PARD6G: variants seen among roughly 807,000 people sequenced by gnomAD.
PARD6G encodes partitioning defective 6 homolog gamma.
In PARD6G, 7 loss-of-function variants were observed where a neutral mutation model predicts 10.7. The observed-to-expected ratio is 0.66, with a 90% confidence interval of 0.37 to 1.23. PARD6G has a LOEUF of 1.23. Among genes scored for constraint, PARD6G ranks in the 50% most tolerant of loss-of-function variants. The probability of loss-of-function intolerance (pLI) is 0.02; values close to 1 mark genes in which losing one functional copy is unlikely to be tolerated. For missense variants in PARD6G, 548 were observed against 571.8 expected (o/e 0.96, Z 0.42); for synonymous variants, 287 against 269.4 (o/e 1.07, Z -0.64).
intron 2 of PARD6G, among the ~76,000 whole-genome samples, chr18:80,195,502 A>G (rs959880586): frequency 7.1e-6 from 1 of 141,144 alleles, no homozygotes; most frequent in Non-Finnish European, 1.5e-5. Context: ...GGGAAAATTC[A>G]AAGATCAGGA....
intron 2 of PARD6G, among the ~76,000 whole-genome samples, chr18:80,193,611 T>C (rs1768257815): frequency 6.6e-6 from 1 of 152,218 alleles, no homozygotes; most frequent in African/African-American, 2.4e-5. Flanking sequence ...CCCTAAACTA[T>C]ATACCTAAAG....
chr18:80,238,749 G>A (rs1200415322), intron 1 of PARD6G, among the ~76,000 whole-genome samples: 2 of 151,330 alleles, frequency 1.3e-5, no homozygotes, highest in African/African-American at 4.9e-5. Flanking sequence ...GGGGGTCTGG[G>A]ACAGCTTCCT....
In PARD6G at chr18:80,159,713, G is replaced by A; in HGVS notation, c.*58C>T. 3 of 1,342,086 alleles carry A rather than the reference G, an allele frequency of 2.2e-6. No individual in the cohort carries two copies. Among genetic ancestry groups the A allele is most frequent in the Non-Finnish European group, 9.6e-7 (1 of 1,043,578 alleles). The allele number at this position is 1,342,086 out of a possible 1,614,324, so 83.1% of individuals were successfully genotyped here. ...AAAAATGAGCGGATGCAGTCTGCAG[G>A]TCCTGTCCCTGTCCTTACCGGGGAA... On this transcript the variant is annotated 3_prime_UTR_variant, in exon 3 of 3. Transcript: ENST00000353265.
intron 1 of PARD6G, among the ~76,000 whole-genome samples, chr18:80,237,232 C>G (rs893946683): frequency 2.0e-5 from 3 of 151,968 alleles, no homozygotes; most frequent in Non-Finnish European, 2.9e-5. Context: ...ACAAACCTGA[C>G]AAAAACAAGA....
chr18:80,247,194 C>T lies in PARD6G; in HGVS notation c.72+83G>A. The T allele has an allele frequency of 8.6e-7, 1 of 1,160,150 alleles. No homozygotes were observed. Among genetic ancestry groups the T allele is most frequent in the Non-Finnish European group, 1.2e-6 (1 of 838,712 alleles). 71.9% of individuals were successfully genotyped at this position (1,160,150 alleles called of 1,614,324 possible). ...TCGCCGGCGCCTGTCGCCTCCACGC[C>T]GCCCCAGTCCCCCTCCGCGGGGCGC... is the stretch of plus-strand genomic sequence containing the variant. On this transcript the variant is annotated intron_variant, in intron 1 of 2. Coordinates refer to ENST00000353265, the MANE Select transcript of PARD6G (RefSeq NM_032510.4). The surrounding 1 kb of genome is among the most constrained non-coding windows in gnomAD (Gnocchi z 4.2).
Position 80,231,369 on chromosome 18 carries a change from G to A in PARD6G, c.72+15908C>T, listed in dbSNP as rs1223891925. On this transcript the variant is annotated intron_variant, in intron 1 of 2. Transcript: ENST00000353265. This position sits in a 1 kb window ranked among gnomAD's most constrained non-coding sequence, Gnocchi z 4.2. ...CGAACTCCAGCCCGTGGAAGAAAGT[G>A]GGGTCCCATTCCGATGTGAGCTCAT... 6.6e-6 allele frequency among the ~76,000 whole-genome samples: 1 copy of A among 152,216 alleles called. No individual in the cohort carries two copies. Among genetic ancestry groups the A allele is most frequent in the Non-Finnish European group, 1.5e-5 (1 of 68,034 alleles).
intron 2 of PARD6G, among the ~76,000 whole-genome samples, chr18:80,177,272 G>GCACACACA (rs1284681564): frequency 8.8e-6 from 1 of 113,756 alleles, no homozygotes; most frequent in Non-Finnish European, 1.7e-5. Context: ...CAAATGGGAA[G>GCACACACA]CACACACACG....
chr18:80,198,933 G>C (rs1188469859), intron 2 of PARD6G, among the ~76,000 whole-genome samples: 1 of 152,132 alleles, frequency 6.6e-6, no homozygotes, highest in Non-Finnish European at 1.5e-5. Flanking sequence ...TTAAAGTGTA[G>C]AATTCAATGG....
chr18:80,211,852 C>T (rs1161885833), intron 1 of PARD6G, among the ~76,000 whole-genome samples: 2 of 152,054 alleles, frequency 1.3e-5, no homozygotes, highest in East Asian at 1.9e-4. Context: ...ATAGAGTACT[C>T]GAAATTTTAT....
intron 2 of PARD6G, among the ~76,000 whole-genome samples, chr18:80,198,126 G>A (rs145113588): frequency 3.8e-4 from 58 of 152,300 alleles, no homozygotes; most frequent in Middle Eastern, 3.4e-3. Context: ...TAGTCGTTGA[G>A]AGAACGTCCG....
chr18:80,206,211 G>A (rs1450740838), intron 1 of PARD6G, among the ~76,000 whole-genome samples: 1 of 152,164 alleles, frequency 6.6e-6, no homozygotes, highest in African/African-American at 2.4e-5. Context: ...GGCTGACTTT[G>A]CCAACCCAGC....
In PARD6G at chr18:80,246,524, T is replaced by C. The variant is rs1431388915; in HGVS notation, c.72+753A>G. 7.3e-6 allele frequency among the ~76,000 whole-genome samples: 1 copy of C among 136,134 alleles called. No individual in the cohort carries two copies. The highest frequency in any genetic ancestry group is 2.4e-4 in the East Asian group (1 of 4,254). 89.3% of individuals were successfully genotyped at this position (136,134 alleles called of 152,430 possible). ...GTACGGGTCTGATCCGGGGGCGCGC[T>C]CGGGAGGGGTCTGGGTCTGAGCCGG... On this transcript the variant is annotated intron_variant, in intron 1 of 2. Transcript: ENST00000353265. This position sits in a 1 kb window ranked among gnomAD's most constrained non-coding sequence, Gnocchi z 6.7.
Position 80,157,677 on chromosome 18 carries a change from A to C in PARD6G, c.*2094T>G, listed in dbSNP as rs1257981804. ...CAGAGAGCAAGTCCGGGGGGTGCGG[A>C]TCCTCACCGGAGAGGTCATGGGGAA... On this transcript the variant is annotated 3_prime_UTR_variant, in exon 3 of 3. Coordinates refer to ENST00000353265, the MANE Select transcript of PARD6G (RefSeq NM_032510.4). 6.6e-6 allele frequency: 1 copy of C among 152,194 alleles called. No individual in the cohort carries two copies. Among genetic ancestry groups the C allele is most frequent in the Non-Finnish European group, 1.5e-5 (1 of 68,044 alleles). 9.4% of individuals were successfully genotyped at this position (152,194 alleles called of 1,614,324 possible). A position where few individuals can be genotyped will look rare whatever the true frequency, so the allele number is the denominator to read the frequency against.
At chr18:80,223,974 G>GACCC (rs1161085184) in intron 1 of PARD6G, among the ~76,000 whole-genome samples, 1 of 152,136 alleles carries the variant, frequency 6.6e-6, no homozygotes, top group African/African-American at 2.4e-5. Flanking sequence ...AGTTAAAATG[G>GACCC]ACCCAACAGT....
At chr18:80,176,713 T>C (rs1185530720) in intron 2 of PARD6G, among the ~76,000 whole-genome samples, 5 of 152,196 alleles carry the variant, frequency 3.3e-5, no homozygotes, top group African/African-American at 7.2e-5. Flanking sequence ...CATTGCCTGC[T>C]GTGGAGAAGG....
intron 2 of PARD6G, among the ~76,000 whole-genome samples, chr18:80,190,772 G>C (rs1284614147): frequency 6.6e-6 from 1 of 152,176 alleles, no homozygotes; most frequent in Non-Finnish European, 1.5e-5. Flanking sequence ...CAACGCCTCT[G>C]ACTCCTCTGT....
intron 2 of PARD6G, chr18:80,162,648 G>A (rs2052708293): frequency 5.9e-6 from 1 of 169,240 alleles, no homozygotes; most frequent in African/African-American, 2.4e-5. Flanking sequence ...TGAAGCGAGT[G>A]GGAGAGATAC....
rs900767976 is a variant in PARD6G at position 80,200,648 on chromosome 18, AC to A, written c.295+2061del. ...CGCTATAACCACGAGAGACTGAGAA[AC>A]CCTGAGCCAGCTAGTTAAACTGGGC... On this transcript the variant is annotated intron_variant, in intron 2 of 2. Transcript: ENST00000353265. This position sits in a 1 kb window ranked among gnomAD's most constrained non-coding sequence, Gnocchi z 4.4. 3.9e-5 allele frequency among the ~76,000 whole-genome samples: 6 copies of A among 152,152 alleles called. No homozygotes were observed. Among genetic ancestry groups the A allele is most frequent in the African/African-American group, 1.4e-4 (6 of 41,424 alleles).
chr18:80,234,934 C>G (rs1020752651), intron 1 of PARD6G, among the ~76,000 whole-genome samples: 4 of 151,414 alleles, frequency 2.6e-5, no homozygotes, highest in Admixed American at 6.6e-5. Context: ...CCACTGTCAA[C>G]ATTAGACAGA....
Sources: allele counts gnomAD v4.1 joint callset (sites outside exome capture counted in the v4.1 genomes callset), GRCh38; gene constraint gnomAD v4.1.1; non-coding constraint Gnocchi (gnomAD v3.1); transcripts MANE v1.5; gene names NCBI Gene and HGNC (gene_info 2026-07-23, HGNC 2026-07-21).